Variants in COL5A2 observed in about 807,000 individuals in gnomAD.
The protein encoded by COL5A2 is collagen type V alpha 2 chain.
In COL5A2, 23 loss-of-function variants were observed where a neutral mutation model predicts 208.2. The observed-to-expected ratio is 0.11, with a 90% confidence interval of 0.08 to 0.16. The LOEUF (loss-of-function observed/expected upper bound fraction) is 0.16. Among genes scored for constraint, COL5A2 ranks in the 10% least tolerant of loss-of-function variants. The probability of loss-of-function intolerance (pLI) is 1.00; values close to 1 mark genes in which losing one functional copy is unlikely to be tolerated. For synonymous variants in COL5A2, 625 were observed against 628.5 expected (o/e 0.99, Z 0.08); for missense variants, 1,590 against 1,956.4 (o/e 0.81, Z 3.53).
the COL5A2 span, among the ~76,000 whole-genome samples, chr2:189,413,303 T>C: frequency 6.6e-6 from 1 of 152,156 alleles, no homozygotes; most frequent in African/African-American, 2.4e-5. Flanking sequence ...AATAACTTAT[T>C]TCCCAAACAG....
At chr2:189,423,476 C>A in the COL5A2 span, among the ~76,000 whole-genome samples, 1 of 151,496 alleles carries the variant, frequency 6.6e-6, no homozygotes. Flanking sequence ...TTAGAAAAAA[C>A]ATTTAGCTAG....
At chr2:189,120,875 T>C (rs1472990487) in intron 1 of COL5A2, among the ~76,000 whole-genome samples, 1 of 152,254 alleles carries the variant, frequency 6.6e-6, no homozygotes, top group African/African-American at 2.4e-5. Context: ...AATACACTTA[T>C]TCTTGAAGCA....
At chr2:189,257,232 A>G in the COL5A2 span, among the ~76,000 whole-genome samples, 1 of 152,188 alleles carries the variant, frequency 6.6e-6, no homozygotes, top group Non-Finnish European at 1.5e-5. Context: ...TCCAATATTT[A>G]GATTTTTATT....
chr2:189,250,429 C>A, the COL5A2 span, among the ~76,000 whole-genome samples: 1 of 152,152 alleles, frequency 6.6e-6, no homozygotes, highest in African/African-American at 2.4e-5. Flanking sequence ...AAAGTTTAAC[C>A]AGGCTAGAGA....
chr2:189,437,006 T>G, the COL5A2 span, among the ~76,000 whole-genome samples: 2 of 151,886 alleles, frequency 1.3e-5, no homozygotes, highest in Non-Finnish European at 2.9e-5. Context: ...CCCTGGAACT[T>G]AAAATAAAAG....
chr2:189,099,631 A>T (rs868845425), intron 4 of COL5A2, among the ~76,000 whole-genome samples: 1 of 152,178 alleles, frequency 6.6e-6, no homozygotes, highest in African/African-American at 2.4e-5. Flanking sequence ...TTTCAAAAAA[A>T]TAAAAATAAA....
At chr2:189,202,362 T>A (rs970228137) in intron 1 of COL5A2, among the ~76,000 whole-genome samples, 1 of 152,122 alleles carries the variant, frequency 6.6e-6, no homozygotes, top group African/African-American at 2.4e-5. Flanking sequence ...AGCAACAGAT[T>A]ATCAGACCAG....
chr2:189,286,310 T>C, the COL5A2 span, among the ~76,000 whole-genome samples: 1 of 152,188 alleles, frequency 6.6e-6, no homozygotes, highest in African/African-American at 2.4e-5. Context: ...TAGATATTTT[T>C]TTCTAGTTTT....
the COL5A2 span, among the ~76,000 whole-genome samples, chr2:189,398,513 T>C: frequency 6.6e-6 from 1 of 152,144 alleles, no homozygotes; most frequent in South Asian, 2.1e-4. Flanking sequence ...CATTATTACT[T>C]ATCTCTCTTT....
the COL5A2 span, among the ~76,000 whole-genome samples, chr2:189,441,093 C>T: frequency 7.9e-5 from 12 of 152,236 alleles, no homozygotes; most frequent in African/African-American, 2.6e-4. Context: ...CATCCTGCAG[C>T]GCCGACACCA....
At chr2:189,159,024 T>A (rs1394847779) in intron 1 of COL5A2, among the ~76,000 whole-genome samples, 1 of 152,188 alleles carries the variant, frequency 6.6e-6, no homozygotes, top group Non-Finnish European at 1.5e-5. Context: ...TGATTTATTA[T>A]AAATAGGCAG....
the COL5A2 span, among the ~76,000 whole-genome samples, chr2:189,289,801 C>A: frequency 6.6e-6 from 1 of 151,936 alleles, no homozygotes; most frequent in African/African-American, 2.4e-5. Flanking sequence ...ATATTAGCTA[C>A]CAAAGTAATA....
At position 189,066,772 on chromosome 2, in the gene COL5A2, C is replaced by G. The variant is rs779614415; in HGVS notation, c.1412G>C (p.Gly471Ala). The G allele has an allele frequency of 3.8e-5, 62 of 1,612,950 alleles. No homozygotes were observed. The highest frequency in any genetic ancestry group is 5.2e-5 in the Non-Finnish European group (61 of 1,179,090). ...AGCTTCTCCTTTGAAACCTGGAACTCCTGGATCACCCTGAAAAAAATATAT... is the reference window on the plus strand; with the variant it reads ...AGCTTCTCCTTTGAAACCTGGAACTGCTGGATCACCCTGAAAAAAATATAT... ...QGIRGQPGDP[G>A]VPGFKGEAGP... The change falls in exon 22 of 54, where the codon GGA becomes GCA. Residue 471 changes from glycine (G) to alanine (A), a missense_variant. Transcript: ENST00000374866.
the COL5A2 span, among the ~76,000 whole-genome samples, chr2:189,244,339 C>G: frequency 1.3e-5 from 2 of 152,202 alleles, no homozygotes; most frequent in African/African-American, 4.8e-5. Flanking sequence ...CTCTTGAATG[C>G]TTTGCTGCTT....
At chr2:189,044,474 A>G (rs935565024) in intron 47 of COL5A2, among the ~76,000 whole-genome samples, 1 of 152,180 alleles carries the variant, frequency 6.6e-6, no homozygotes, top group African/African-American at 2.4e-5. Context: ...ACTACAATGT[A>G]TTTATTCATA....
chr2:189,034,895 T>C (rs1685412212), intron 53 of COL5A2, 21 bp downstream of exon 53: 1 of 1,613,602 alleles, frequency 6.2e-7, no homozygotes, highest in Non-Finnish European at 8.5e-7. Context: ...ACCAGATCAA[T>C]GTAGATCAAA....
At position 189,088,741 on chromosome 2, in the gene COL5A2, T is replaced by G. The variant is rs779633033; in HGVS notation, c.599A>C (p.Glu200Ala). 6.2e-7 allele frequency: 1 copy of G among 1,614,052 alleles called. No individual in the cohort carries two copies. The highest frequency in any genetic ancestry group is 1.1e-5 in the South Asian group (1 of 91,080). ...TACTTGACTCCCAAGTCCAGATTTT[T>G]CATCCAACCCAGCCATTTGAGCTGA... ...PFSAQMAGLD[E>A]KSGLGSQVGL... The change falls in exon 8 of 54, where the codon GAA (glutamate) becomes GCA (alanine). Residue 200 changes from glutamate (E) to alanine (A), a missense_variant. Glu to Ala is a moderately radical substitution (Grantham distance 107). Coordinates refer to ENST00000374866, the MANE Select transcript of COL5A2 (RefSeq NM_000393.5).
At chr2:189,313,668 AC>A in the COL5A2 span, among the ~76,000 whole-genome samples, 1 of 152,144 alleles carries the variant, frequency 6.6e-6, no homozygotes, top group African/African-American at 2.4e-5. Flanking sequence ...AAGAACCAAG[AC>A]TCATCAGTAT....
chr2:189,314,092 A>G, the COL5A2 span, among the ~76,000 whole-genome samples: 1 of 152,162 alleles, frequency 6.6e-6, no homozygotes, highest in East Asian at 1.9e-4. Flanking sequence ...GATCAAATGG[A>G]CCTAATAGAT....
Sources: allele counts gnomAD v4.1 joint callset (sites outside exome capture counted in the v4.1 genomes callset), GRCh38; gene constraint gnomAD v4.1.1; transcripts MANE v1.5; gene names NCBI Gene and HGNC (gene_info 2026-07-23, HGNC 2026-07-21).